ATR: variants seen among roughly 807,000 people sequenced by gnomAD.
The protein encoded by ATR is serine/threonine-protein kinase ATR.
A neutral mutation model predicts 305.3 loss-of-function variants in ATR; 142 were observed. That is an observed-to-expected ratio of 0.47 (90% confidence interval 0.41 to 0.53). The LOEUF (loss-of-function observed/expected upper bound fraction) is 0.53, where lower values mean the gene tolerates loss of function less well. Ranked by LOEUF, ATR falls within the 20% of genes least tolerant of loss-of-function variation. ATR has a pLI of 0.00. For missense variants in ATR, 2,135 were observed against 3,133.1 expected, an observed-to-expected ratio of 0.68 and a Z score of 7.60; for synonymous variants, 1,050 against 1,068.1, an observed-to-expected ratio of 0.98 and a Z score of 0.33.
At chr3:142,480,353 TCC>T (rs2030335774) in intron 36 of ATR, among the ~76,000 whole-genome samples, 1 of 152,174 alleles carries the variant, frequency 6.6e-6, no homozygotes, top group Non-Finnish European at 1.5e-5. Flanking sequence ...GGAGATCCAC[TCC>T]AGACTCTGTT....
rs557486277 is a variant in ATR at position 142,568,832 on chromosome 3, A to G, written c.60-678T>C. ...GACCAGGCCGCGTGTGCATGTGCTC[A>G]GGACGGCACTGACACACCAGCCCCC... On this transcript the variant is annotated intron_variant, in intron 1 of 46. Coordinates refer to ENST00000350721, the MANE Select transcript of ATR (RefSeq NM_001184.4). Among the ~76,000 whole-genome samples the G allele has an allele frequency of 1.7e-3, 266 of 152,374 alleles. 2 individuals are homozygous for G. Among genetic ancestry groups the G allele is most frequent in the Middle Eastern group, 0.01 (3 of 294 alleles).
At chr3:142,484,201 T>A (rs2030749982) in intron 36 of ATR, among the ~76,000 whole-genome samples, 1 of 152,158 alleles carries the variant, frequency 6.6e-6, no homozygotes, top group African/African-American at 2.4e-5. Flanking sequence ...CCAGAGAGGA[T>A]CCTGCCCCAT....
rs79677412 is a variant in ATR, at chr3:142,466,224, A to G, written c.6897+100T>C. 1,829 of 1,305,102 alleles carry G rather than the reference A, an allele frequency of 1.4e-3. 24 individuals are homozygous for G. The African/African-American group carries it at 0.024, about 17-fold the overall frequency. 80.8% of individuals were successfully genotyped at this position (1,305,102 alleles called of 1,614,324 possible). Reference sequence around the variant, plus strand: ...TATTTCCAATTATTTTTCTTCACAAATAAGATTCACGTAGATTTTGTGAAA... The same window carrying G: ...TATTTCCAATTATTTTTCTTCACAAGTAAGATTCACGTAGATTTTGTGAAA... On this transcript the variant is annotated intron_variant, in intron 40 of 46. Coordinates refer to ENST00000350721, the MANE Select transcript of ATR (RefSeq NM_001184.4).
At chr3:142,547,661 T>G in intron 16 of ATR, 64 bp downstream of exon 16, 1 of 1,540,820 alleles carries the variant, frequency 6.5e-7, no homozygotes, top group African/African-American at 1.4e-5. Flanking sequence ...TTTCTTCAAT[T>G]TTATAATTAA....
At chr3:142,488,778 T>C (rs2031105119) in intron 35 of ATR, among the ~76,000 whole-genome samples, 1 of 152,228 alleles carries the variant, frequency 6.6e-6, no homozygotes, top group African/African-American at 2.4e-5. Flanking sequence ...CCTTTATGTT[T>C]CCACATAAGT....
intron 16 of ATR, among the ~76,000 whole-genome samples, chr3:142,545,996 G>C (rs1321328285): frequency 1.3e-5 from 2 of 152,142 alleles, no homozygotes; most frequent in East Asian, 3.9e-4. Flanking sequence ...ATATCTGTTT[G>C]CCATCTTCTG....
chr3:142,557,185 T>C (rs2034703381), intron 8 of ATR, among the ~76,000 whole-genome samples: 1 of 152,076 alleles, frequency 6.6e-6, no homozygotes, highest in African/African-American at 2.4e-5. Context: ...TTTTTTAATG[T>C]GCTCTTTCAG....
At position 142,512,328 on chromosome 3, in the gene ATR, T is replaced by C; in HGVS notation, c.4784A>G (p.Lys1595Arg). The C allele has an allele frequency of 6.2e-7, 1 of 1,613,940 alleles. No individual in the cohort carries two copies. ...LDHLTQWARH[K>R]FQALKAEKCP... is the part of the protein sequence containing the mutation. ...TTTCTCAGCTTTCAGTGCCTGAAAT[T>C]TGTGCCTTGCCCACTGTGTGAGATG... Residue 1595 changes from lysine to arginine, a missense_variant, in exon 27 of 47, where the codon AAA (lysine) becomes AGA (arginine). Physicochemically the swap from Lys to Arg is conservative, Grantham distance 26. This residue lies in a region of ATR where 202 missense variants were observed against 252.9 expected (regional missense o/e 0.80). Transcript: ENST00000350721.
chr3:142,508,208 T>A, intron 27 of ATR, 99 bp from the exon 28 acceptor site: 2 of 968,192 alleles, frequency 2.1e-6, no homozygotes, highest in Non-Finnish European at 3.1e-6. Flanking sequence ...CTAAACAAAT[T>A]AATCTGAATA....
intron 36 of ATR, among the ~76,000 whole-genome samples, chr3:142,479,748 T>C (rs1374917483): frequency 6.6e-6 from 1 of 152,244 alleles, no homozygotes; most frequent in Non-Finnish European, 1.5e-5. Context: ...TTTGGTCTTT[T>C]CACATAGTCC....
At chr3:142,450,463 C>A in intron 46 of ATR, 1 of 1,601,174 alleles carries the variant, frequency 6.2e-7, no homozygotes. Flanking sequence ...AGCTATTACT[C>A]ACTTAATGAG....
At chr3:142,461,873 A>AC (rs2071028814) in intron 42 of ATR, 67 bp downstream of exon 42, 2 of 1,510,150 alleles carry the variant, frequency 1.3e-6, no homozygotes, top group East Asian at 4.5e-5. Flanking sequence ...ATATATTAAT[A>AC]CCAATTATAC....
intron 8 of ATR, 56 bp from the exon 9 acceptor site, chr3:142,556,631 CACATAT>C (rs1256564905): frequency 2.1e-6 from 3 of 1,453,570 alleles, no homozygotes; most frequent in Non-Finnish European, 2.9e-6. Flanking sequence ...TTTATGTATA[CACATAT>C]ACATATATAT....
intron 46 of ATR, chr3:142,450,981 C>A: frequency 8.2e-7 from 1 of 1,220,758 alleles, no homozygotes; most frequent in Non-Finnish European, 1.0e-6. Context: ...CACTCAAAAT[C>A]AGAACAACAA....
chr3:142,472,355 T>C (rs1290215620), intron 36 of ATR: 2 of 152,186 alleles, frequency 1.3e-5, no homozygotes, highest in African/African-American at 4.8e-5. Context: ...CTGTTTTCCA[T>C]AATGGCTCTA....
At chr3:142,452,947 C>G in intron 46 of ATR, 181 bp downstream of exon 46, 2 of 1,464,042 alleles carry the variant, frequency 1.4e-6, no homozygotes, top group South Asian at 2.7e-5. Flanking sequence ...GTTAACATTA[C>G]TGACAATAAA....
rs144731776 is a variant in ATR at position 142,457,113 on chromosome 3, T to C, written c.7655+491A>G. Among the ~76,000 whole-genome samples, 9 of 152,320 alleles carry C rather than the reference T, an allele frequency of 5.9e-5. No individual in the cohort carries two copies. In the East Asian group the frequency reaches 1.7e-3, roughly 29 times the overall value. On this transcript the variant is annotated intron_variant, in intron 45 of 46. Transcript: ENST00000350721. Reference sequence around the variant, plus strand: ...GTATATCCATATAACAGGATACCATTTGGCAATAAAAAACAATGAAGTACT... The same window carrying C: ...GTATATCCATATAACAGGATACCATCTGGCAATAAAAAACAATGAAGTACT...
intron 2 of ATR, among the ~76,000 whole-genome samples, chr3:142,567,475 G>A (rs1050057244): frequency 1.2e-4 from 19 of 152,136 alleles, no homozygotes; most frequent in African/African-American, 3.6e-4. Flanking sequence ...TAAAATCTGC[G>A]CCAAATTTGG....
intron 36 of ATR, among the ~76,000 whole-genome samples, chr3:142,476,303 T>C (rs1017908049): frequency 9.8e-5 from 15 of 152,356 alleles, no homozygotes; most frequent in African/African-American, 3.6e-4. Context: ...GTTTCAGCTT[T>C]CTACATACAG....
Sources: allele counts gnomAD v4.1 joint callset (sites outside exome capture counted in the v4.1 genomes callset), GRCh38; gene constraint gnomAD v4.1.1; regional missense constraint gnomAD v4.1.1; transcripts MANE v1.5; gene names NCBI Gene and HGNC (gene_info 2026-07-23, HGNC 2026-07-21).